Variants in CRPPA observed in about 807,000 individuals in gnomAD.
CRPPA encodes the protein D-ribitol-5-phosphate cytidylyltransferase.
CRPPA carries 43 observed loss-of-function variants against 52.0 expected under a neutral mutation model. The ratio of observed to expected loss-of-function variants is 0.83; its 90% CI spans 0.65 to 1.07. The LOEUF is 1.07. CRPPA is among the 50% of genes least tolerant of loss of function. The pLI is 0.00. For missense variants in CRPPA, 629 were observed against 551.7 expected (o/e 1.14, Z -1.40); for synonymous variants, 250 against 203.5 (o/e 1.23, Z -1.94).
In CRPPA at chr7:16,321,170, C is replaced by T. The variant is rs1469931527; in HGVS notation, c.685-12543G>A. 2.0e-5 allele frequency among the ~76,000 whole-genome samples: 3 copies of T among 152,036 alleles called. No homozygotes were observed. In the East Asian group the frequency reaches 5.8e-4, roughly 29 times the overall value. On this transcript the variant is annotated intron_variant, in intron 3 of 9. Transcript: ENST00000407010. ...TGCCTAGATAATTCTTTTTCAGAGT[C>T]CAAATAATTGGGGGAAAGAAGTAAT...
intron 2 of CRPPA, among the ~76,000 whole-genome samples, chr7:16,405,742 C>A (rs553421907): frequency 8.2e-4 from 125 of 152,236 alleles, no homozygotes; most frequent in African/African-American, 2.9e-3. Flanking sequence ...TCCTTTACTT[C>A]TGAGAGATTT....
chr7:16,362,899 C>A (rs1786495464), intron 3 of CRPPA, among the ~76,000 whole-genome samples: 1 of 152,098 alleles, frequency 6.6e-6, no homozygotes, highest in South Asian at 2.1e-4. Flanking sequence ...AATCATTTCT[C>A]TTCCTCCAAC....
At position 16,187,851 on chromosome 7, in the gene CRPPA, T is replaced by G. The variant is rs73681765; in HGVS notation, c.1251+28215A>C. Reference sequence around the variant, plus strand: ...CTTACTGAAGCAGAAGCAGGAATAATGTAACGAAGAGTCTAGAGATTTGTG... The same window carrying G: ...CTTACTGAAGCAGAAGCAGGAATAAGGTAACGAAGAGTCTAGAGATTTGTG... On this transcript the variant is annotated intron_variant, in intron 9 of 9. Coordinates refer to ENST00000407010, the MANE Select transcript of CRPPA (RefSeq NM_001101426.4). Among the ~76,000 whole-genome samples the G allele has an allele frequency of 3.0e-3, 462 of 152,164 alleles. 2 individuals are homozygous for G. Among genetic ancestry groups the G allele is most frequent in the African/African-American group, 0.011 (440 of 41,528 alleles).
At chr7:16,201,402 C>A (rs180804658) in intron 9 of CRPPA, among the ~76,000 whole-genome samples, 1 of 152,092 alleles carries the variant, frequency 6.6e-6, no homozygotes, top group Non-Finnish European at 1.5e-5. Flanking sequence ...TCTTTTTGAA[C>A]GATGTCTTTT....
chr7:16,139,508 T>C (rs1167077267), intron 9 of CRPPA, among the ~76,000 whole-genome samples: 1 of 152,182 alleles, frequency 6.6e-6, no homozygotes, highest in Admixed American at 6.5e-5. Context: ...CATATCTAAA[T>C]AATATTAACA....
chr7:16,192,045 TTCTC>T (rs1011454652), intron 9 of CRPPA, among the ~76,000 whole-genome samples: 8 of 152,198 alleles, frequency 5.3e-5, no homozygotes, highest in Middle Eastern at 6.8e-3. Flanking sequence ...TTTCTGATCT[TTCTC>T]TATAAAAAAG....
At chr7:16,395,191 G>C (rs553603903) in intron 2 of CRPPA, among the ~76,000 whole-genome samples, 29 of 152,232 alleles carry the variant, frequency 1.9e-4, no homozygotes, top group African/African-American at 6.7e-4. Context: ...CAGCCTCAGT[G>C]ATTACTTGTC....
chr7:16,419,013 T>A (rs773639664), intron 1 of CRPPA, among the ~76,000 whole-genome samples: 12 of 152,234 alleles, frequency 7.9e-5, no homozygotes, highest in Non-Finnish European at 1.5e-4. Context: ...CAGAAATGCC[T>A]TCATATATGA....
intron 1 of CRPPA, among the ~76,000 whole-genome samples, chr7:16,418,110 A>G (rs1344850371): frequency 6.6e-6 from 1 of 152,216 alleles, no homozygotes; most frequent in Non-Finnish European, 1.5e-5. Context: ...AACAGTCTGT[A>G]GGGCTGATCT....
chr7:16,321,686 G>C (rs185893022), intron 3 of CRPPA, among the ~76,000 whole-genome samples: 1 of 152,152 alleles, frequency 6.6e-6, no homozygotes, highest in African/African-American at 2.4e-5. Flanking sequence ...GAAAGAGTAG[G>C]TCTGTTGGTT....
At chr7:16,259,530 T>C (rs1236517811) in intron 6 of CRPPA, among the ~76,000 whole-genome samples, 3 of 151,996 alleles carry the variant, frequency 2.0e-5, no homozygotes, top group Non-Finnish European at 4.4e-5. Flanking sequence ...TGTCGGGAAC[T>C]TACTTCTACT....
chr7:16,411,687 G>C (rs1283552700), intron 1 of CRPPA, among the ~76,000 whole-genome samples: 1 of 151,758 alleles, frequency 6.6e-6, no homozygotes, highest in African/African-American at 2.4e-5. Context: ...TGAATAATTA[G>C]GCATAAAAAC....
chr7:16,139,775 C>T lies in CRPPA; in HGVS notation c.1252-47976G>A, dbSNP rs575810457. 5.3e-5 allele frequency among the ~76,000 whole-genome samples: 8 copies of T among 152,282 alleles called. No homozygotes were observed. In the East Asian group the frequency reaches 1.5e-3, roughly 29 times the overall value. On this transcript the variant is annotated intron_variant, in intron 9 of 9. Transcript: ENST00000407010. Reference sequence around the variant, plus strand: ...ATGTGTCTCTTGAATTACCCAGGCTCAACTCTGCCACATGATTTAAGAATT... The same window carrying T: ...ATGTGTCTCTTGAATTACCCAGGCTTAACTCTGCCACATGATTTAAGAATT...
At chr7:16,336,401 G>A (rs778763547) in intron 3 of CRPPA, among the ~76,000 whole-genome samples, 1 of 151,996 alleles carries the variant, frequency 6.6e-6, no homozygotes, top group Non-Finnish European at 1.5e-5. Flanking sequence ...TGTAATTAAA[G>A]GCAAGTTGTC....
chr7:16,393,455 G>C (rs1246489315), intron 2 of CRPPA, among the ~76,000 whole-genome samples: 2 of 152,046 alleles, frequency 1.3e-5, no homozygotes, highest in Non-Finnish European at 2.9e-5. Flanking sequence ...CTCAATATAT[G>C]ACAGAAGTGG....
Position 16,147,423 on chromosome 7 carries a change from G to A in CRPPA, c.1252-55624C>T, listed in dbSNP as rs73291888. ...TCAGTAGCCTGATATAATTATGTGT[G>A]GTTATAATACCTTCAGTTTAACTTA... On this transcript the variant is annotated intron_variant, in intron 9 of 9. Transcript: ENST00000407010. Among the ~76,000 whole-genome samples, 451 of 152,178 alleles carry A rather than the reference G, an allele frequency of 3.0e-3. 2 individuals carry two copies. Among genetic ancestry groups the A allele is most frequent in the African/African-American group, 0.011 (439 of 41,512 alleles).
chr7:16,154,300 G>A (rs1783132485), intron 9 of CRPPA, among the ~76,000 whole-genome samples: 2 of 151,938 alleles, frequency 1.3e-5, no homozygotes, highest in South Asian at 4.2e-4. Flanking sequence ...CGTGTGCCAC[G>A]GTGGTTTGCT....
intron 3 of CRPPA, among the ~76,000 whole-genome samples, chr7:16,326,660 T>A (rs192523605): frequency 1.3e-5 from 2 of 152,362 alleles, no homozygotes; most frequent in African/African-American, 4.8e-5. Flanking sequence ...ATTCAGTACC[T>A]ATCTACTACT....
At chr7:16,309,754 C>T (rs141492718) in intron 3 of CRPPA, among the ~76,000 whole-genome samples, 144 of 152,122 alleles carry the variant, frequency 9.5e-4, no homozygotes, top group African/African-American at 3.3e-3. Context: ...GCACCCCTTG[C>T]CAAAGCTATT....
Sources: allele counts gnomAD v4.1 joint callset (sites outside exome capture counted in the v4.1 genomes callset), GRCh38; gene constraint gnomAD v4.1.1; transcripts MANE v1.5; gene names NCBI Gene and HGNC (gene_info 2026-07-23, HGNC 2026-07-21).